THADA: variants seen among roughly 807,000 people sequenced by gnomAD.
The protein encoded by THADA is THADA armadillo repeat containing, also known as tRNA (32-2'-O)-methyltransferase regulator THADA.
A neutral mutation model predicts 219.8 loss-of-function variants in THADA; 213 were observed. The observed-to-expected ratio is 0.97, with a 90% CI of 0.87 to 1.09. The LOEUF (loss-of-function observed/expected upper bound fraction) is 1.09, where lower values mean the gene tolerates loss of function less well. Among genes scored for constraint, THADA ranks in the 50% least tolerant of loss-of-function variants. The pLI is 0.00. For synonymous variants in THADA, 1,018 were observed against 828.9 expected (o/e 1.23, Z -3.92); for missense variants, 2,956 against 2,311.3 (o/e 1.28, Z -5.72).
intron 26 of THADA, among the ~76,000 whole-genome samples, chr2:43,464,994 T>C (rs1266910201): frequency 6.6e-6 from 1 of 152,096 alleles, no homozygotes; most frequent in Non-Finnish European, 1.5e-5. Flanking sequence ...GAATTGAAGA[T>C]AAAAGCTGGT....
At chr2:43,241,011 C>T (rs1330951849) in intron 36 of THADA, among the ~76,000 whole-genome samples, 1 of 152,198 alleles carries the variant, frequency 6.6e-6, no homozygotes, top group Non-Finnish European at 1.5e-5. Context: ...CATCCCTTCC[C>T]CCAAATCCCT....
At chr2:43,291,454 C>CA (rs765352765) in intron 34 of THADA, among the ~76,000 whole-genome samples, 177 of 8,072 alleles carry the variant, frequency 0.022, 25 homozygotes, top group East Asian at 0.17. Context: ...AACTCCATCT[C>CA]AAAAAAAAAA....
At chr2:43,314,492 T>C (rs772536003) in intron 31 of THADA, among the ~76,000 whole-genome samples, 6 of 152,174 alleles carry the variant, frequency 3.9e-5, no homozygotes, top group Non-Finnish European at 7.4e-5. Flanking sequence ...GGTGTGGGCA[T>C]AAGAGAAACA....
chr2:43,591,433 C>A (rs1701554044), intron 3 of THADA, among the ~76,000 whole-genome samples: 1 of 152,144 alleles, frequency 6.6e-6, no homozygotes, highest in Non-Finnish European at 1.5e-5. Context: ...TTTTTAAACT[C>A]ATGTCCCCAC....
At chr2:43,278,085 G>A (rs1332225947) in intron 36 of THADA, among the ~76,000 whole-genome samples, 2 of 151,778 alleles carry the variant, frequency 1.3e-5, no homozygotes, top group African/African-American at 4.8e-5. Context: ...CGAGTAGCTG[G>A]GATTACGGGT....
At chr2:43,586,556 G>C (rs1275371066) in intron 6 of THADA, 107 bp from the exon 7 acceptor site, 5 of 1,328,586 alleles carry the variant, frequency 3.8e-6, no homozygotes, top group South Asian at 3.0e-5. Context: ...TCATGATATG[G>C]AAACAAAAAT....
rs368833762 is a variant in THADA at position 43,586,831 on chromosome 2, G to T, written c.451+23C>A. The T allele has an allele frequency of 3.2e-5, 51 of 1,612,098 alleles. No homozygotes were observed. The African/African-American group carries it at 5.8e-4, about 18-fold the overall frequency. On this transcript the variant is annotated intron_variant, in intron 5 of 37. Coordinates refer to ENST00000405975, the MANE Select transcript of THADA (RefSeq NM_022065.5). ...TGATGAGAGGGGTTAGCCAGAAAAA[G>T]GACTAGAAAAGTGCAGCCTTACCCA...
chr2:43,555,688 T>G (rs1298887174), intron 17 of THADA, among the ~76,000 whole-genome samples: 2 of 152,254 alleles, frequency 1.3e-5, no homozygotes, highest in East Asian at 1.9e-4. Flanking sequence ...CCTCTTTTTC[T>G]CCCATTACTA....
At chr2:43,394,529 A>G (rs1175115746) in intron 29 of THADA, among the ~76,000 whole-genome samples, 1 of 152,282 alleles carries the variant, frequency 6.6e-6, no homozygotes, top group Admixed American at 6.5e-5. Context: ...TGGAGGTCCC[A>G]TGGAGATGAC....
intron 26 of THADA, among the ~76,000 whole-genome samples, chr2:43,435,764 G>C (rs1356537054): frequency 3.8e-4 from 50 of 133,082 alleles, no homozygotes; most frequent in African/African-American, 1.3e-3. Flanking sequence ...GCCTGGGCAA[G>C]AGTGAGAACT....
At chr2:43,456,805 T>C (rs1573742295) in intron 26 of THADA, among the ~76,000 whole-genome samples, 3 of 152,150 alleles carry the variant, frequency 2.0e-5, no homozygotes, top group Admixed American at 2.0e-4. Flanking sequence ...GAGAGGAAAT[T>C]AGTATAAATT....
At chr2:43,519,044 T>C (rs1433599622) in intron 22 of THADA, among the ~76,000 whole-genome samples, 4 of 151,922 alleles carry the variant, frequency 2.6e-5, no homozygotes, top group Admixed American at 1.3e-4. Context: ...GCCTTGCTTT[T>C]TGCCAATGTT....
intron 14 of THADA, among the ~76,000 whole-genome samples, chr2:43,567,722 G>C (rs1021524061): frequency 6.6e-6 from 1 of 152,206 alleles, no homozygotes; most frequent in African/African-American, 2.4e-5. Context: ...TCAGACTGTA[G>C]CCACAATATA....
At chr2:43,523,241 CG>C (rs1574073711) in intron 22 of THADA, among the ~76,000 whole-genome samples, 1 of 151,836 alleles carries the variant, frequency 6.6e-6, no homozygotes, top group East Asian at 1.9e-4. Flanking sequence ...GGCAGACACC[CG>C]TAAGTCCTAG....
At chr2:43,245,072 C>T (rs547665617) in intron 36 of THADA, among the ~76,000 whole-genome samples, 1 of 152,286 alleles carries the variant, frequency 6.6e-6, no homozygotes, top group African/African-American at 2.4e-5. Context: ...ACATTCCTCA[C>T]TGACCAGCCT....
chr2:43,263,538 G>A (rs1023883370), intron 36 of THADA, among the ~76,000 whole-genome samples: 2 of 152,092 alleles, frequency 1.3e-5, no homozygotes, highest in African/African-American at 4.8e-5. Flanking sequence ...GGACAAGCAC[G>A]GGGTCAAAGA....
intron 25 of THADA, among the ~76,000 whole-genome samples, chr2:43,488,347 C>A (rs527350530): frequency 1.4e-4 from 21 of 152,304 alleles, no homozygotes; most frequent in African/African-American, 4.8e-4. Context: ...ACTCCCTATT[C>A]TCCTGCAGTA....
intron 29 of THADA, among the ~76,000 whole-genome samples, chr2:43,393,669 C>T (rs1673681716): frequency 6.7e-6 from 1 of 149,802 alleles, no homozygotes; most frequent in African/African-American, 2.5e-5. Context: ...GATGGTGCCA[C>T]TGCATTCCAG....
At chr2:43,471,573 T>C (rs1684909862) in intron 26 of THADA, among the ~76,000 whole-genome samples, 3 of 152,124 alleles carry the variant, frequency 2.0e-5, no homozygotes, top group Admixed American at 2.0e-4. Context: ...TATCTAAAAT[T>C]GGTAAGTTTC....
Sources: gnomAD v4.1 joint callset for allele counts (sites outside exome capture counted in the v4.1 genomes callset) on GRCh38, gnomAD v4.1.1 for gene constraint, MANE v1.5 for transcripts, NCBI Gene and HGNC (gene_info 2026-07-23, HGNC 2026-07-21) for gene names.